The following AJAP1 variants were observed in gnomAD, a reference collection of about 807,000 sequenced individuals.
The protein encoded by AJAP1 is adherens junction-associated protein 1.
In AJAP1, 5 loss-of-function variants were observed where a neutral mutation model predicts 35.0. The observed-to-expected ratio is 0.14, with a 90% confidence interval of 0.07 to 0.30. The LOEUF is 0.30. AJAP1 is among the 10% of genes least tolerant of loss of function. The probability of loss-of-function intolerance (pLI) is 1.00; values close to 1 mark genes in which losing one functional copy is unlikely to be tolerated. For missense variants in AJAP1, 586 were observed against 571.0 expected (o/e 1.03, Z -0.27); for synonymous variants, 284 against 249.3 (o/e 1.14, Z -1.31).
rs181489122 is a variant in AJAP1 at position 4,660,138 on chromosome 1, G to A, written c.29+4684G>A. 2.7e-4 allele frequency among the ~76,000 whole-genome samples: 41 copies of A among 152,324 alleles called. No individual in the cohort carries two copies. In the East Asian group the frequency reaches 7.3e-3, roughly 27 times the overall value. The stretch of plus-strand genomic sequence containing the variant: ...AGAGCTGGAACACCTCCTCAATAAA[G>A]CTGTTTTTCTTCTACCACTGGCTTG... On this transcript the variant is annotated intron_variant, in intron 1 of 5. Coordinates refer to ENST00000378191, the MANE Select transcript of AJAP1 (RefSeq NM_018836.4).
At chr1:4,742,816 A>G (rs939371931) in intron 2 of AJAP1, among the ~76,000 whole-genome samples, 6 of 152,174 alleles carry the variant, frequency 3.9e-5, no homozygotes, top group Admixed American at 3.3e-4. Context: ...CTTTTCCCCA[A>G]AAGCCCTGAT....
At chr1:4,705,536 C>T (rs1351988628) in intron 1 of AJAP1, among the ~76,000 whole-genome samples, 1 of 149,770 alleles carries the variant, frequency 6.7e-6, no homozygotes, top group East Asian at 2.0e-4. Flanking sequence ...ACTGGGCAAA[C>T]GTCCCTGGCA....
intron 2 of AJAP1, among the ~76,000 whole-genome samples, chr1:4,730,180 G>A (rs1235609136): frequency 6.6e-6 from 1 of 152,198 alleles, no homozygotes; most frequent in Admixed American, 6.5e-5. Flanking sequence ...GTTTCCGGAA[G>A]ATTTCCATGA....
chr1:4,701,142 C>G (rs145714861), intron 1 of AJAP1, among the ~76,000 whole-genome samples: 11 of 152,208 alleles, frequency 7.2e-5, no homozygotes, highest in Non-Finnish European at 2.9e-5. Flanking sequence ...CAACATCCCC[C>G]GTGCCCCAAA....
chr1:4,686,828 T>TC (rs1639617922), intron 1 of AJAP1, among the ~76,000 whole-genome samples: 2 of 152,190 alleles, frequency 1.3e-5, no homozygotes, highest in African/African-American at 4.8e-5. Flanking sequence ...CTGCATGCCC[T>TC]CCAGTCTCTC....
Position 4,655,547 on chromosome 1 carries a change from C to G in AJAP1, c.29+93C>G. 11 of 1,447,024 alleles carry G rather than the reference C, an allele frequency of 7.6e-6. No homozygotes were observed. Among genetic ancestry groups the G allele is most frequent in the Non-Finnish European group, 1.0e-5 (11 of 1,070,766 alleles). 89.6% of individuals were successfully genotyped at this position (1,447,024 alleles called of 1,614,324 possible). The stretch of plus-strand genomic sequence containing the variant: ...TTCCTCTATGTTGCAAATCAAGGGA[C>G]CCCTCTTCGCTTCCCGCAAGCGGGC... On this transcript the variant is annotated intron_variant, in intron 1 of 5. Coordinates refer to ENST00000378191, the MANE Select transcript of AJAP1 (RefSeq NM_018836.4). The surrounding 1 kb of genome is among the most constrained non-coding windows in gnomAD (Gnocchi z 6.9).
chr1:4,698,836 G>A (rs895115164), intron 1 of AJAP1, among the ~76,000 whole-genome samples: 2 of 152,176 alleles, frequency 1.3e-5, no homozygotes, highest in Non-Finnish European at 2.9e-5. Flanking sequence ...TAGCCACACT[G>A]AGCCCCTCTC....
chr1:4,672,825 C>T (rs1186555099), intron 1 of AJAP1, among the ~76,000 whole-genome samples: 1 of 152,208 alleles, frequency 6.6e-6, no homozygotes, highest in Non-Finnish European at 1.5e-5. Context: ...AATCTATTGA[C>T]CCTTCCGTAG....
At chr1:4,758,898 C>T (rs1185209189) in intron 2 of AJAP1, among the ~76,000 whole-genome samples, 2 of 152,194 alleles carry the variant, frequency 1.3e-5, no homozygotes, top group Admixed American at 6.5e-5. Flanking sequence ...CAGGACAGAG[C>T]GGATCACTCT....
rs70955801 is a variant in AJAP1, at chr1:4,747,991, C to CAA, written c.830-21850_830-21849dup. 1.7e-3 allele frequency among the ~76,000 whole-genome samples: 231 copies of CAA among 135,898 alleles called. 1 individual carries two copies. Among genetic ancestry groups the CAA allele is most frequent in the Admixed American group, 2.7e-3 (36 of 13,556 alleles). The allele number at this position is 135,898 out of a possible 152,430, so 89.2% of individuals were successfully genotyped here. On this transcript the variant is annotated intron_variant, in intron 2 of 5. Transcript: ENST00000378191. ...TGGGTGACAGAGCCAGACTCTGTCTCAAAAAAAAAAAAACAAAGCAAAAAA... is the reference window on the plus strand; with the variant it reads ...TGGGTGACAGAGCCAGACTCTGTCTCAAAAAAAAAAAAAAACAAAGCAAAAAA...
At chr1:4,772,095 T>A (rs74449743) in intron 3 of AJAP1, among the ~76,000 whole-genome samples, 185 bp from the exon 4 acceptor site, 48,591 of 146,900 alleles carry the variant, frequency 0.33, 8,242 homozygotes, top group Admixed American at 0.4. Context: ...TTTTTTTTTT[T>A]AAAAAAAAAG....
chr1:4,670,973 A>G (rs773166479), intron 1 of AJAP1, among the ~76,000 whole-genome samples: 1 of 152,236 alleles, frequency 6.6e-6, no homozygotes, highest in Non-Finnish European at 1.5e-5. Context: ...GGCCCTTCTA[A>G]GGGATTTGCT....
At chr1:4,672,837 G>A (rs1639278164) in intron 1 of AJAP1, among the ~76,000 whole-genome samples, 1 of 152,234 alleles carries the variant, frequency 6.6e-6, no homozygotes, top group Non-Finnish European at 1.5e-5. Flanking sequence ...CTTCCGTAGG[G>A]AGATCATCCT....
At chr1:4,660,038 T>C (rs774691760) in intron 1 of AJAP1, among the ~76,000 whole-genome samples, 96 of 152,244 alleles carry the variant, frequency 6.3e-4, no homozygotes, top group Non-Finnish European at 1.2e-3. Context: ...GCACGCTGCC[T>C]ATGGGGCAGC....
chr1:4,751,485 T>G (rs1641319322), intron 2 of AJAP1, among the ~76,000 whole-genome samples: 1 of 152,206 alleles, frequency 6.6e-6, no homozygotes, highest in African/African-American at 2.4e-5. Flanking sequence ...AGATGCCATC[T>G]TCACTCACTC....
In AJAP1 at chr1:4,745,990, G is replaced by T. The variant is rs186477044; in HGVS notation, c.830-23863G>T. Among the ~76,000 whole-genome samples, 228 of 152,328 alleles carry T rather than the reference G, an allele frequency of 1.5e-3. 2 individuals are homozygous for T. Among genetic ancestry groups the T allele is most frequent in the African/African-American group, 5.2e-3 (217 of 41,572 alleles). ...CAAAATGAAAACAGTGAAGCCAATG[G>T]CATTGGTTTCCCGTGGCTGCTGTAA... is the stretch of plus-strand genomic sequence containing the variant. On this transcript the variant is annotated intron_variant, in intron 2 of 5. Transcript: ENST00000378191.
intron 2 of AJAP1, among the ~76,000 whole-genome samples, chr1:4,744,751 A>C (rs1332414535): frequency 1.3e-5 from 2 of 152,138 alleles, no homozygotes; most frequent in African/African-American, 4.8e-5. Flanking sequence ...GACACGAAAC[A>C]CAGGCCCACG....
intron 1 of AJAP1, among the ~76,000 whole-genome samples, chr1:4,686,610 G>A (rs1639612506): frequency 6.6e-6 from 1 of 152,218 alleles, no homozygotes; most frequent in African/African-American, 2.4e-5. Flanking sequence ...GCAGAGCTTT[G>A]CCGAGCAGGA....
rs1454917948 is a variant in AJAP1, at chr1:4,654,852, T to A, written c.-574T>A. 1 of 150,310 alleles carries A rather than the reference T, an allele frequency of 6.7e-6. No individual in the cohort carries two copies. The highest frequency in any genetic ancestry group is 2.4e-5 in the African/African-American group (1 of 41,116). 9.3% of individuals were successfully genotyped at this position (150,310 alleles called of 1,614,324 possible). A position where few individuals can be genotyped will look rare whatever the true frequency, so the allele number is the denominator to read the frequency against. ...AGACGGAGCCCCCGGGCAACTTGAG[T>A]GGCGCCGATCGGCGGCGGAGCCTCT... On this transcript the variant is annotated 5_prime_UTR_variant, in exon 1 of 6. Transcript: ENST00000378191. The surrounding 1 kb of genome is among the most constrained non-coding windows in gnomAD (Gnocchi z 5.1).
Sources: gnomAD v4.1 joint callset for allele counts (sites outside exome capture counted in the v4.1 genomes callset) on GRCh38, gnomAD v4.1.1 for gene constraint, Gnocchi (gnomAD v3.1) non-coding constraint, MANE v1.5 for transcripts, NCBI Gene and HGNC (gene_info 2026-07-23, HGNC 2026-07-21) for gene names.